USP42: variants seen among roughly 807,000 people sequenced by gnomAD.
The protein encoded by USP42 is ubiquitin specific peptidase 42, also known as ubiquitin carboxyl-terminal hydrolase 42.
Under a neutral mutation model 113.0 loss-of-function variants are expected in USP42, and 23 were observed. That is an observed-to-expected ratio of 0.20 (90% CI 0.15 to 0.29). The LOEUF is 0.29. Among genes scored for constraint, USP42 ranks in the 10% least tolerant of loss-of-function variants. USP42 has a pLI of 1.00. For synonymous variants in USP42, 933 were observed against 699.0 expected, an observed-to-expected ratio of 1.33 and a Z score of -5.28; for missense variants, 2,174 against 1,779.8, an observed-to-expected ratio of 1.22 and a Z score of -3.99.
intron 14 of USP42, among the ~76,000 whole-genome samples, chr7:6,153,314 A>T (rs976099072): frequency 1.3e-5 from 2 of 151,792 alleles, no homozygotes; most frequent in South Asian, 4.2e-4. Context: ...AAAAAAAAAA[A>T]TAGAGGAATT....
At chr7:6,143,125 C>T (rs1256827542) in intron 8 of USP42, 111 bp downstream of exon 8, 2 of 1,063,416 alleles carry the variant, frequency 1.9e-6, no homozygotes, top group African/African-American at 3.1e-5. Context: ...TTCTGATACC[C>T]TCTGGGAAGA....
At chr7:6,147,713 C>T (rs747225916) in intron 11 of USP42, 26 bp from the exon 12 acceptor site, 5 of 1,553,524 alleles carry the variant, frequency 3.2e-6, no homozygotes, top group Non-Finnish European at 4.4e-6. Context: ...CTGTGTCACC[C>T]TAAGTATCGC....
intron 3 of USP42, among the ~76,000 whole-genome samples, chr7:6,121,087 A>C (rs1033191564): frequency 6.6e-6 from 1 of 152,094 alleles, no homozygotes; most frequent in Non-Finnish European, 1.5e-5. Flanking sequence ...TGATACGTGA[A>C]TAAAGATAAT....
intron 3 of USP42, among the ~76,000 whole-genome samples, chr7:6,118,060 ATTTCT>A (rs1780011076): frequency 6.6e-6 from 1 of 151,672 alleles, no homozygotes; most frequent in African/African-American, 2.4e-5. Context: ...GGGAAATTTC[ATTTCT>A]TTTTTTTTCT....
chr7:6,100,004 CTATTATTAT>C (rs1554332997), upstream of USP42, among the ~76,000 whole-genome samples: 4 of 144,330 alleles, frequency 2.8e-5, no homozygotes, highest in Non-Finnish European at 4.5e-5. Flanking sequence ...TTTCACAAGT[CTATTATTAT>C]TATTATTATT....
intron 3 of USP42, among the ~76,000 whole-genome samples, chr7:6,126,993 G>C (rs1780580738): frequency 6.6e-6 from 1 of 152,218 alleles, no homozygotes; most frequent in African/African-American, 2.4e-5. Flanking sequence ...GCCAACATTT[G>C]CTGTTGTCAC....
At chr7:6,135,031 G>C (rs1781054873) in intron 3 of USP42, among the ~76,000 whole-genome samples, 1 of 152,140 alleles carries the variant, frequency 6.6e-6, no homozygotes, top group African/African-American at 2.4e-5. Context: ...CCCAAGAGAT[G>C]CACCCACCTC....
At chr7:6,109,052 A>C (rs1452225060) in intron 1 of USP42, among the ~76,000 whole-genome samples, 1 of 152,224 alleles carries the variant, frequency 6.6e-6, no homozygotes, top group East Asian at 1.9e-4. Context: ...AGAAATCAGC[A>C]CAGGGTGCTG....
intron 1 of USP42, among the ~76,000 whole-genome samples, chr7:6,110,312 C>T (rs538659858): frequency 6.6e-6 from 1 of 152,216 alleles, no homozygotes; most frequent in South Asian, 2.1e-4. Flanking sequence ...ATTTTATAGG[C>T]CCTGGGGATT....
In USP42 at chr7:6,159,535, C is replaced by T. The variant is rs7783538; in HGVS notation, c.*36+42C>T. Reference sequence around the variant, plus strand: ...TCTGTTTCCTCATTGTTTGTGGTGGCGCTGAGGGGACGCAGGCAGAGGAGT... The same window carrying T: ...TCTGTTTCCTCATTGTTTGTGGTGGTGCTGAGGGGACGCAGGCAGAGGAGT... On this transcript the variant is annotated intron_variant, in intron 17 of 17. Transcript: ENST00000306177. The surrounding 1 kb of genome is among the most constrained non-coding windows in gnomAD (Gnocchi z 4.1). The T allele has an allele frequency of 0.19, 303,519 of 1,581,792 alleles. 32,200 individuals carry two copies. Among genetic ancestry groups the T allele is most frequent in the Middle Eastern group, 0.25 (1,482 of 5,964 alleles).
chr7:6,146,084 C>G, intron 10 of USP42, 64 bp from the exon 11 acceptor site: 5 of 1,225,064 alleles, frequency 4.1e-6, no homozygotes, highest in Non-Finnish European at 5.8e-6. Flanking sequence ...AGAAATATTT[C>G]TCTTGACTAT....
Position 6,154,057 on chromosome 7 carries a change from G to A in USP42, c.2503G>A (p.Ala835Thr), listed in dbSNP as rs1291578699. ...CGATGCGAGCCCGTTGTCCCAGGAC[G>A]CAAAGGGGATGATCGCGGAGGGCCC... ...TGDASPLSQD[A>T]KGMIAEGPRD... Residue 835 changes from alanine (A) to threonine (T), a missense_variant, in exon 15 of 18, where the codon GCA becomes ACA. Ala to Thr is a moderately conservative substitution (Grantham distance 58). Transcript: ENST00000306177. The A allele has an allele frequency of 6.2e-7, 1 of 1,606,012 alleles. No individual in the cohort carries two copies. Among genetic ancestry groups the A allele is most frequent in the African/African-American group, 1.3e-5 (1 of 75,038 alleles).
In USP42 at chr7:6,111,341, G is replaced by A; in HGVS notation, c.208G>A (p.Asp70Asn). The stretch of plus-strand genomic sequence containing the variant: ...AGTTTATTCGAGTTCATCTGTACCT[G>A]ATAAATCAAAACCATCACCACAAAA... ...AVVYSSSSVP[D>N]KSKPSPQKDQ... The change falls in exon 2 of 18, where the codon GAT (aspartate) becomes AAT (asparagine). Residue 70 changes from aspartate (D) to asparagine (N), a missense_variant. By Grantham distance (23) the Asp-to-Asn change is conservative. Coordinates refer to ENST00000306177, the MANE Select transcript of USP42 (RefSeq NM_032172.3). 6.2e-7 allele frequency: 1 copy of A among 1,611,224 alleles called. No homozygotes were observed. The highest frequency in any genetic ancestry group is 1.7e-5 in the Admixed American group (1 of 59,454).
At chr7:6,113,041 C>A (rs1233678346) in intron 2 of USP42, among the ~76,000 whole-genome samples, 2 of 151,350 alleles carry the variant, frequency 1.3e-5, no homozygotes, top group Non-Finnish European at 2.9e-5. Flanking sequence ...GTAGCTGGGA[C>A]TACAGGTGCG....
In USP42 at chr7:6,159,611, C is replaced by A; in HGVS notation, c.*36+118C>A. On this transcript the variant is annotated intron_variant, in intron 17 of 17. Transcript: ENST00000306177. The surrounding 1 kb of genome is among the most constrained non-coding windows in gnomAD (Gnocchi z 4.1). ...GCTGGGCTCATAGGAGTTGGCAGAG[C>A]CATGGAGAGGCCCCGGCAGGTTCCC... is the stretch of plus-strand genomic sequence containing the variant. 9.4e-7 allele frequency: 1 copy of A among 1,065,186 alleles called. No individual in the cohort carries two copies. The highest frequency in any genetic ancestry group is 1.4e-6 in the Non-Finnish European group (1 of 729,624). 66.0% of individuals were successfully genotyped at this position (1,065,186 alleles called of 1,614,324 possible). A position where few individuals can be genotyped will look rare whatever the true frequency, so the allele number is the denominator to read the frequency against.
intron 15 of USP42, among the ~76,000 whole-genome samples, chr7:6,156,329 TG>T (rs1373226268): frequency 6.6e-6 from 1 of 152,214 alleles, no homozygotes; most frequent in Non-Finnish European, 1.5e-5. Context: ...GAATCCTCCC[TG>T]CAGTGTTTGT....
the USP42 span, among the ~76,000 whole-genome samples, chr7:6,087,728 T>C: frequency 6.6e-6 from 1 of 151,224 alleles, no homozygotes; most frequent in Non-Finnish European, 1.5e-5. Context: ...AGATAAGCTA[T>C]ACCCTCGTCT....
In USP42 at chr7:6,160,654, T is replaced by C. The variant is rs1223385877; in HGVS notation, c.*136T>C. 3 of 152,692 alleles carry C rather than the reference T, an allele frequency of 2.0e-5. No individual in the cohort carries two copies. The East Asian group carries it at 5.8e-4, about 29-fold the overall frequency. 9.5% of individuals were successfully genotyped at this position (152,692 alleles called of 1,614,324 possible). On this transcript the variant is annotated 3_prime_UTR_variant, in exon 18 of 18. Coordinates refer to ENST00000306177, the MANE Select transcript of USP42 (RefSeq NM_032172.3). Reference sequence around the variant, plus strand: ...TGCGTGGTGCTTCTTTAGTAAATACTGTACAGATTTTACCATGGAGAACTT... The same window carrying C: ...TGCGTGGTGCTTCTTTAGTAAATACCGTACAGATTTTACCATGGAGAACTT...
intron 3 of USP42, among the ~76,000 whole-genome samples, chr7:6,117,794 T>C (rs1473680184): frequency 6.6e-6 from 1 of 152,032 alleles, no homozygotes; most frequent in Non-Finnish European, 1.5e-5. Flanking sequence ...ACTTTCATAA[T>C]GAATAATGCT....
Sources: allele counts gnomAD v4.1 joint callset (sites outside exome capture counted in the v4.1 genomes callset), GRCh38; gene constraint gnomAD v4.1.1; non-coding constraint Gnocchi (gnomAD v3.1); transcripts MANE v1.5; gene names NCBI Gene and HGNC (gene_info 2026-07-23, HGNC 2026-07-21).